Variants in SUGCT observed in about 807,000 individuals in gnomAD.
The protein encoded by SUGCT is succinyl-CoA:glutarate-CoA transferase, also known as succinyl-CoA:glutarate CoA-transferase.
SUGCT carries 41 observed loss-of-function variants against 55.0 expected under a neutral mutation model. The observed-to-expected ratio is 0.74, with a 90% CI of 0.58 to 0.97. SUGCT has a LOEUF of 0.97. Among genes scored for constraint, SUGCT ranks in the 50% least tolerant of loss-of-function variants. SUGCT has a pLI of 0.00. For synonymous variants in SUGCT, 187 were observed against 200.4 expected (o/e 0.93, Z 0.56); for missense variants, 568 against 547.8 (o/e 1.04, Z -0.37).
At chr7:40,977,043 A>G in the SUGCT span, among the ~76,000 whole-genome samples, 1 of 152,220 alleles carries the variant, frequency 6.6e-6, no homozygotes, top group African/African-American at 2.4e-5. Context: ...TCTTTCAGCA[A>G]CAGGCTGATC....
At chr7:40,599,460 G>A (rs1798185004) in intron 12 of SUGCT, among the ~76,000 whole-genome samples, 1 of 152,076 alleles carries the variant, frequency 6.6e-6, no homozygotes, top group South Asian at 2.1e-4. Flanking sequence ...CTGGTCCCTT[G>A]GAATGCCTTT....
At chr7:40,217,364 C>T (rs1237701404) in intron 6 of SUGCT, 1 of 421,200 alleles carries the variant, frequency 2.4e-6, no homozygotes, top group African/African-American at 2.0e-5. Flanking sequence ...GCTCGTGCCA[C>T]TACACCAGGC....
At chr7:40,813,615 C>T (rs1024378599) in intron 13 of SUGCT, among the ~76,000 whole-genome samples, 11 of 151,950 alleles carry the variant, frequency 7.2e-5, no homozygotes, top group African/African-American at 2.7e-4. Flanking sequence ...TGTAAGATAG[C>T]CTTATGTGTA....
chr7:40,999,218 C>CTT, the SUGCT span, among the ~76,000 whole-genome samples: 1 of 147,522 alleles, frequency 6.8e-6, no homozygotes, highest in Non-Finnish European at 1.5e-5. Context: ...TTATGCACAG[C>CTT]TTTTTTTTTT....
chr7:40,945,664 A>T, the SUGCT span, among the ~76,000 whole-genome samples: 1 of 152,132 alleles, frequency 6.6e-6, no homozygotes, highest in Non-Finnish European at 1.5e-5. Flanking sequence ...GAAAATTTTC[A>T]CAAGCAAAAG....
chr7:41,029,700 A>ATT, the SUGCT span, among the ~76,000 whole-genome samples: 1 of 152,290 alleles, frequency 6.6e-6, no homozygotes, highest in East Asian at 1.9e-4. Flanking sequence ...CCCTGTTGTT[A>ATT]ACATGTATTA....
chr7:40,681,567 G>C (rs779990755), intron 12 of SUGCT, among the ~76,000 whole-genome samples: 1 of 152,188 alleles, frequency 6.6e-6, no homozygotes, highest in African/African-American at 2.4e-5. Flanking sequence ...AATCAGGGCA[G>C]CTGATGCTTC....
At chr7:40,843,540 G>A (rs1055867298) in intron 13 of SUGCT, among the ~76,000 whole-genome samples, 8 of 147,410 alleles carry the variant, frequency 5.4e-5, no homozygotes, top group African/African-American at 1.7e-4. Flanking sequence ...GTCAGTGTAG[G>A]CCTCACTGAG....
intron 1 of SUGCT, among the ~76,000 whole-genome samples, chr7:40,165,321 G>T (rs914324091): frequency 1.3e-5 from 2 of 152,054 alleles, no homozygotes; most frequent in Non-Finnish European, 2.9e-5. Flanking sequence ...TGAACCACTT[G>T]TGTGGGCATC....
At chr7:40,527,535 A>G (rs1425397329) in intron 12 of SUGCT, among the ~76,000 whole-genome samples, 1 of 152,206 alleles carries the variant, frequency 6.6e-6, no homozygotes, top group Non-Finnish European at 1.5e-5. Flanking sequence ...TACATTGACT[A>G]GAAGGCAGTG....
chr7:40,627,445 C>T (rs757159150), intron 12 of SUGCT, among the ~76,000 whole-genome samples: 2 of 152,126 alleles, frequency 1.3e-5, no homozygotes, highest in African/African-American at 2.4e-5. Flanking sequence ...AGTGAAGTTA[C>T]AAAGGTCACA....
At chr7:40,896,617 C>T in the SUGCT span, among the ~76,000 whole-genome samples, 4 of 152,164 alleles carry the variant, frequency 2.6e-5, no homozygotes, top group Admixed American at 6.5e-5. Flanking sequence ...CTTGTTGCCA[C>T]TATGTGAAGA....
chr7:40,713,038 A>G (rs117140246), intron 12 of SUGCT, among the ~76,000 whole-genome samples: 2,821 of 152,280 alleles, frequency 0.019, 32 homozygotes, highest in Non-Finnish European at 0.028. Context: ...TCAATGGCCC[A>G]CTTCAATTCA....
chr7:40,389,427 G>A (rs144350024), intron 9 of SUGCT, among the ~76,000 whole-genome samples: 33 of 124,604 alleles, frequency 2.6e-4, no homozygotes, highest in African/African-American at 1.0e-3. Flanking sequence ...ACTCTAGCCT[G>A]GGCACGCCTG....
At chr7:40,160,954 A>G (rs1784113376) in intron 1 of SUGCT, among the ~76,000 whole-genome samples, 1 of 152,112 alleles carries the variant, frequency 6.6e-6, no homozygotes, top group Non-Finnish European at 1.5e-5. Flanking sequence ...TATTATATAT[A>G]CCCTTTTTGG....
intron 6 of SUGCT, among the ~76,000 whole-genome samples, chr7:40,209,236 C>T (rs1562578321): frequency 6.6e-6 from 1 of 152,190 alleles, no homozygotes; most frequent in East Asian, 1.9e-4. Context: ...GGTGGCGTGA[C>T]TCATGCCTGT....
intron 1 of SUGCT, among the ~76,000 whole-genome samples, chr7:40,170,594 T>C (rs1180136666): frequency 6.6e-6 from 1 of 152,206 alleles, no homozygotes; most frequent in East Asian, 1.9e-4. Context: ...CTAATGCTTA[T>C]TCCTTTCCAG....
At chr7:40,623,879 T>A (rs1335606240) in intron 12 of SUGCT, among the ~76,000 whole-genome samples, 1 of 152,230 alleles carries the variant, frequency 6.6e-6, no homozygotes, top group East Asian at 1.9e-4. Context: ...TCTTTCTTAC[T>A]TTCTTCTGCT....
intron 9 of SUGCT, among the ~76,000 whole-genome samples, chr7:40,324,807 T>G (rs1795950498): frequency 6.6e-6 from 1 of 152,194 alleles, no homozygotes; most frequent in Admixed American, 6.5e-5. Context: ...GAGTAGTTCA[T>G]TAGTGAGAAT....
Sources: allele counts gnomAD v4.1 joint callset (sites outside exome capture counted in the v4.1 genomes callset), GRCh38; gene constraint gnomAD v4.1.1; transcripts MANE v1.5; gene names NCBI Gene and HGNC (gene_info 2026-07-23, HGNC 2026-07-21).